The following TULP3 variants were observed in gnomAD, a reference collection of about 807,000 sequenced individuals.
TULP3 encodes the protein TUB like protein 3, also known as tubby-related protein 3.
Under a neutral mutation model 50.7 loss-of-function variants are expected in TULP3, and 38 were observed. The observed-to-expected ratio is 0.75, with a 90% CI of 0.58 to 0.98. The LOEUF (loss-of-function observed/expected upper bound fraction) is 0.98. Among genes scored for constraint, TULP3 ranks in the 50% least tolerant of loss-of-function variants. The pLI is 0.00. For synonymous variants in TULP3, 183 were observed against 196.6 expected (o/e 0.93, Z 0.58); for missense variants, 550 against 568.0 (o/e 0.97, Z 0.32).
In TULP3 at chr12:2,928,301, C is replaced by G. The variant is rs868180489; in HGVS notation, c.395-1947C>G. ...ATCCCAGCACTTTGGGAGGCTTAGG[C>G]GGACAGATCACCTGAGGTTGGGAGT... On this transcript the variant is annotated intron_variant, in intron 4 of 10. Transcript: ENST00000448120. 2.0e-5 allele frequency among the ~76,000 whole-genome samples: 3 copies of G among 151,962 alleles called. No homozygotes were observed. In the South Asian group the frequency reaches 6.2e-4, roughly 32 times the overall value.
Position 2,890,934 on chromosome 12 carries a change from C to A in TULP3, c.-14C>A, listed in dbSNP as rs765658989. 2 of 1,594,256 alleles carry A rather than the reference C, an allele frequency of 1.3e-6. No individual in the cohort carries two copies. Among genetic ancestry groups the A allele is most frequent in the Admixed American group, 3.5e-5 (2 of 57,802 alleles). On this transcript the variant is annotated 5_prime_UTR_variant, in exon 1 of 11. Transcript: ENST00000448120. ...AAGAGTGTGTACGTGGTGGGGGCTT[C>A]CTCGGTGGCGGGCATGGAGGCTTCG... is the stretch of plus-strand genomic sequence containing the variant.
chr12:2,915,075 G>A (rs1218322987), intron 2 of TULP3, among the ~76,000 whole-genome samples: 1 of 151,928 alleles, frequency 6.6e-6, no homozygotes, highest in Non-Finnish European at 1.5e-5. Flanking sequence ...TGCAACCTCT[G>A]CCTCTCGGGT....
intron 4 of TULP3, among the ~76,000 whole-genome samples, chr12:2,926,281 C>G (rs573380628): frequency 9.1e-4 from 139 of 152,078 alleles, no homozygotes; most frequent in Middle Eastern, 3.4e-3. Flanking sequence ...GGGCGGATCG[C>G]TTGAGCCCAG....
At chr12:2,910,325 G>A (rs2098184757) in intron 2 of TULP3, among the ~76,000 whole-genome samples, 1 of 152,114 alleles carries the variant, frequency 6.6e-6, no homozygotes, top group African/African-American at 2.4e-5. Flanking sequence ...TCTTCACAGA[G>A]CTGCTGGCAC....
chr12:2,932,384 G>A lies in TULP3; in HGVS notation c.697-1034G>A, dbSNP rs529898477. Among the ~76,000 whole-genome samples the A allele has an allele frequency of 2.2e-3, 335 of 152,012 alleles. 1 individual carries two copies. Among genetic ancestry groups the A allele is most frequent in the Non-Finnish European group, 4.0e-3 (274 of 67,960 alleles). On this transcript the variant is annotated intron_variant, in intron 6 of 10. Coordinates refer to ENST00000448120, the MANE Select transcript of TULP3 (RefSeq NM_003324.5). ...CCTTGAGGACATGAGCTCGAGACCA[G>A]CTTGGCTAACATGGGGAGACCCTGC...
intron 9 of TULP3, 57 bp from the exon 10 acceptor site, chr12:2,938,057 T>G (rs1292064342): frequency 6.3e-7 from 1 of 1,581,228 alleles, no homozygotes; most frequent in African/African-American, 1.3e-5. Context: ...CTACTCTACC[T>G]TCTACCTCGT....
At chr12:2,925,398 G>T (rs2098194124) in intron 4 of TULP3, among the ~76,000 whole-genome samples, 1 of 152,298 alleles carries the variant, frequency 6.6e-6, no homozygotes, top group South Asian at 2.1e-4. Flanking sequence ...ATGCAGAATT[G>T]CTCTGCTAGG....
chr12:2,936,473 G>T (rs991322366), intron 8 of TULP3, among the ~76,000 whole-genome samples: 2 of 150,344 alleles, frequency 1.3e-5, no homozygotes, highest in Non-Finnish European at 3.0e-5. Context: ...GTAAGAGGCC[G>T]GGCGTGGTGG....
intron 8 of TULP3, 124 bp downstream of exon 8, chr12:2,934,685 T>A: frequency 1.9e-6 from 1 of 522,898 alleles, no homozygotes; most frequent in Non-Finnish European, 3.3e-6. Context: ...TCTGTTGCTG[T>A]ACCATTTTCT....
At chr12:2,917,672 T>C (rs2153949370) in intron 2 of TULP3, among the ~76,000 whole-genome samples, 1 of 152,010 alleles carries the variant, frequency 6.6e-6, no homozygotes, top group South Asian at 2.1e-4. Context: ...GGTCAGGAGA[T>C]CGAGACCATC....
chr12:2,935,306 A>T (rs560354741), intron 8 of TULP3, among the ~76,000 whole-genome samples: 139 of 152,244 alleles, frequency 9.1e-4, no homozygotes, highest in Middle Eastern at 3.4e-3. Flanking sequence ...TTGCCTTATC[A>T]AAGTCTTTTC....
chr12:2,921,798 A>C (rs1484506021), intron 3 of TULP3, among the ~76,000 whole-genome samples: 1 of 152,198 alleles, frequency 6.6e-6, no homozygotes, highest in Middle Eastern at 3.4e-3. Context: ...TAAAATGAAC[A>C]CCAGGCTGGG....
intron 4 of TULP3, among the ~76,000 whole-genome samples, chr12:2,928,675 G>A (rs1053817457): frequency 2.0e-5 from 3 of 152,078 alleles, no homozygotes; most frequent in Admixed American, 2.0e-4. Context: ...TGGCATGTTG[G>A]CTCACACCTG....
chr12:2,899,990 G>GC (rs1480232230), intron 1 of TULP3, among the ~76,000 whole-genome samples: 2 of 151,878 alleles, frequency 1.3e-5, no homozygotes, highest in Non-Finnish European at 2.9e-5. Context: ...TGAGGCAGGC[G>GC]CGTCACCTGA....
chr12:2,929,948 G>A (rs1591536254), intron 4 of TULP3, among the ~76,000 whole-genome samples: 1 of 152,262 alleles, frequency 6.6e-6, no homozygotes, highest in African/African-American at 2.4e-5. Context: ...GTGACATTAA[G>A]TGTATTAACA....
chr12:2,934,591 T>G (rs781160770), intron 8 of TULP3, 30 bp downstream of exon 8: 1 of 1,475,758 alleles, frequency 6.8e-7, no homozygotes, highest in South Asian at 1.3e-5. Flanking sequence ...GGCCGCTGCC[T>G]GCCCTCCTGG....
intron 1 of TULP3, among the ~76,000 whole-genome samples, chr12:2,901,292 T>TTTTC (rs1159630428): frequency 1.1e-3 from 153 of 143,286 alleles, no homozygotes; most frequent in African/African-American, 3.0e-3. Flanking sequence ...TTGATTTTTT[T>TTTTC]TTTCTTTCTT....
chr12:2,901,658 C>G (rs891846374), intron 1 of TULP3, among the ~76,000 whole-genome samples: 2 of 152,116 alleles, frequency 1.3e-5, no homozygotes, highest in African/African-American at 4.8e-5. Context: ...GCTGGGATTA[C>G]AGGTGTGAGC....
intron 2 of TULP3, among the ~76,000 whole-genome samples, chr12:2,910,579 A>C (rs1329883058): frequency 6.6e-6 from 1 of 152,190 alleles, no homozygotes; most frequent in African/African-American, 2.4e-5. Context: ...TTTTCTATGA[A>C]TCTATTCTAA....
Sources: allele counts gnomAD v4.1 joint callset (sites outside exome capture counted in the v4.1 genomes callset), GRCh38; gene constraint gnomAD v4.1.1; transcripts MANE v1.5; gene names NCBI Gene and HGNC (gene_info 2026-07-23, HGNC 2026-07-21).